MACROD2: variants seen among roughly 807,000 people sequenced by gnomAD.
The protein encoded by MACROD2 is ADP-ribose glycohydrolase MACROD2.
In MACROD2, 36 loss-of-function variants were observed where a neutral mutation model predicts 70.4. The observed-to-expected ratio is 0.51, with a 90% CI of 0.39 to 0.68. The LOEUF is 0.68. Among genes scored for constraint, MACROD2 ranks in the 30% least tolerant of loss-of-function variants. The pLI, the probability that MACROD2 is intolerant of heterozygous loss-of-function variation, is 0.00. For synonymous variants in MACROD2, 172 were observed against 178.8 expected (o/e 0.96, Z 0.30); for missense variants, 496 against 538.4 (o/e 0.92, Z 0.78).
intron 10 of MACROD2, among the ~76,000 whole-genome samples, chr20:15,912,723 G>A (rs1468567957): frequency 6.6e-6 from 1 of 152,126 alleles, no homozygotes; most frequent in Admixed American, 6.5e-5. Flanking sequence ...TTGCAAAGAG[G>A]ATGTTTGTTG....
At chr20:15,596,685 T>C (rs569363057) in intron 8 of MACROD2, among the ~76,000 whole-genome samples, 1 of 152,300 alleles carries the variant, frequency 6.6e-6, no homozygotes, top group East Asian at 1.9e-4. Context: ...TTTTAAGTGG[T>C]TTGGTTCATT....
rs571811543 is a variant in MACROD2, at chr20:14,058,139, G to A, written c.164-27482G>A. 2.0e-4 allele frequency among the ~76,000 whole-genome samples: 30 copies of A among 152,180 alleles called. 1 individual carries two copies. The South Asian group carries it at 6.2e-3, about 32-fold the overall frequency. ...CTTGACTTGGGTGGTGGTTACATGG[G>A]TATACTGACCTTGAGATAATTCAGT... On this transcript the variant is annotated intron_variant, in intron 2 of 17. Transcript: ENST00000684519.
At chr20:15,773,799 C>T (rs1238971295) in intron 8 of MACROD2, among the ~76,000 whole-genome samples, 2 of 152,046 alleles carry the variant, frequency 1.3e-5, no homozygotes, top group African/African-American at 4.8e-5. Flanking sequence ...ATGTTATGAA[C>T]AGCATTGTCC....
At chr20:15,582,704 C>T (rs1489382008) in intron 8 of MACROD2, among the ~76,000 whole-genome samples, 1 of 152,132 alleles carries the variant, frequency 6.6e-6, no homozygotes, top group South Asian at 2.1e-4. Flanking sequence ...TAGTAGCCTT[C>T]CTGTCTTTTT....
chr20:14,014,546 G>A (rs749499358), intron 2 of MACROD2, among the ~76,000 whole-genome samples: 43 of 152,188 alleles, frequency 2.8e-4, no homozygotes, highest in Non-Finnish European at 4.7e-4. Flanking sequence ...ACTTCAATAC[G>A]ATGAGAATAA....
chr20:14,002,285 A>G lies in MACROD2; in HGVS notation c.47-3A>G. On this transcript the variant is annotated splice_region_variant and splice_polypyrimidine_tract_variant and intron_variant, in intron 1 of 17. Coordinates refer to ENST00000684519, the MANE Select transcript of MACROD2 (RefSeq NM_001351661.2). ...AATGGAGATTCTGCTTTTATTTTGC[A>G]AGAACGTTTATTGAAGATGACCTTA... is the stretch of plus-strand genomic sequence containing the variant. 1 of 1,563,482 alleles carries G rather than the reference A, an allele frequency of 6.4e-7. No individual in the cohort carries two copies. The highest frequency in any genetic ancestry group is 8.7e-7 in the Non-Finnish European group (1 of 1,151,574).
intron 10 of MACROD2, among the ~76,000 whole-genome samples, chr20:15,925,500 GT>G (rs1272706290): frequency 6.6e-6 from 1 of 152,172 alleles, no homozygotes; most frequent in Non-Finnish European, 1.5e-5. Context: ...GCTATGTGTG[GT>G]ATTGAAAATA....
At chr20:15,578,803 G>A (rs2048484803) in intron 8 of MACROD2, among the ~76,000 whole-genome samples, 1 of 152,104 alleles carries the variant, frequency 6.6e-6, no homozygotes, top group South Asian at 2.1e-4. Context: ...GGTACTTTAT[G>A]TTTCAGTGAA....
At chr20:15,506,631 C>T (rs943388051) in intron 8 of MACROD2, among the ~76,000 whole-genome samples, 7 of 152,152 alleles carry the variant, frequency 4.6e-5, no homozygotes, top group Non-Finnish European at 7.3e-5. Flanking sequence ...TGACATGAAA[C>T]GCCTTAGGAT....
intron 5 of MACROD2, among the ~76,000 whole-genome samples, chr20:15,160,978 C>CAT (rs987123981): frequency 1.3e-5 from 2 of 151,806 alleles, no homozygotes; most frequent in Admixed American, 6.6e-5. Flanking sequence ...GTGGATGACA[C>CAT]ACACATATGC....
intron 5 of MACROD2, among the ~76,000 whole-genome samples, chr20:14,734,028 T>C (rs2071628401): frequency 6.6e-6 from 1 of 152,164 alleles, no homozygotes; most frequent in African/African-American, 2.4e-5. Context: ...CTTTCAAAAA[T>C]GATCTTATAT....
chr20:14,879,321 G>T (rs1159997952), intron 5 of MACROD2, among the ~76,000 whole-genome samples: 2 of 152,046 alleles, frequency 1.3e-5, no homozygotes, highest in African/African-American at 4.8e-5. Flanking sequence ...AATTCTTTGG[G>T]TTAATATTAA....
At chr20:14,205,375 AG>A (rs1368665791) in intron 3 of MACROD2, among the ~76,000 whole-genome samples, 1 of 152,194 alleles carries the variant, frequency 6.6e-6, no homozygotes, top group Non-Finnish European at 1.5e-5. Context: ...TTAAGCACAA[AG>A]GAAACCCCTC....
At chr20:14,952,602 T>G (rs554846991) in intron 5 of MACROD2, among the ~76,000 whole-genome samples, 1 of 152,312 alleles carries the variant, frequency 6.6e-6, no homozygotes, top group South Asian at 2.1e-4. Context: ...ACATTAGTAT[T>G]GATTAAAAAA....
At chr20:14,955,286 TATATAATATA>T (rs370506091) in intron 5 of MACROD2, among the ~76,000 whole-genome samples, 1 of 140,480 alleles carries the variant, frequency 7.1e-6, no homozygotes, top group South Asian at 2.1e-4. Flanking sequence ...ATATATAGTT[TATATAATATA>T]ATATAATTTT....
chr20:14,125,546 A>C (rs778232787), intron 3 of MACROD2, among the ~76,000 whole-genome samples: 7 of 152,166 alleles, frequency 4.6e-5, no homozygotes, highest in Non-Finnish European at 8.8e-5. Flanking sequence ...ACCACTCAGA[A>C]CAATTCTTAA....
chr20:15,471,957 C>A (rs2046969131), intron 7 of MACROD2, among the ~76,000 whole-genome samples: 1 of 152,160 alleles, frequency 6.6e-6, no homozygotes, highest in African/African-American at 2.4e-5. Context: ...AACTACTTTT[C>A]TTGACTTTAA....
intron 6 of MACROD2, among the ~76,000 whole-genome samples, chr20:15,301,591 C>CTT (rs71340214): frequency 0.029 from 2,329 of 81,220 alleles, 282 homozygotes; most frequent in Non-Finnish European, 0.043. Flanking sequence ...GGTAGGTGGC[C>CTT]TTTTTTTTTT....
At chr20:14,288,168 T>C (rs1192895741) in intron 3 of MACROD2, among the ~76,000 whole-genome samples, 3 of 151,950 alleles carry the variant, frequency 2.0e-5, no homozygotes, top group Non-Finnish European at 2.9e-5. Context: ...GCTATTTGTC[T>C]TCCAATATCT....
Sources: gnomAD v4.1 joint callset for allele counts (sites outside exome capture counted in the v4.1 genomes callset) on GRCh38, gnomAD v4.1.1 for gene constraint, MANE v1.5 for transcripts, NCBI Gene and HGNC (gene_info 2026-07-23, HGNC 2026-07-21) for gene names.